Variants in GCDH observed in about 807,000 individuals in gnomAD.
GCDH encodes the protein glutaryl-CoA dehydrogenase, mitochondrial.
Under a neutral mutation model 52.8 loss-of-function variants are expected in GCDH, and 31 were observed. That is an observed-to-expected ratio of 0.59 (90% CI 0.44 to 0.79). The LOEUF (loss-of-function observed/expected upper bound fraction) is 0.79, where lower values mean the gene tolerates loss of function less well. Among genes scored for constraint, GCDH ranks in the 30% least tolerant of loss-of-function variants. The probability of loss-of-function intolerance (pLI) is 0.00; values close to 1 mark genes in which losing one functional copy is unlikely to be tolerated. For synonymous variants in GCDH, 242 were observed against 250.0 expected (o/e 0.97, Z 0.30); for missense variants, 509 against 595.0 (o/e 0.86, Z 1.50).
chr19:12,897,573 G>A (rs951791411), intron 10 of GCDH, 130 bp from the exon 11 acceptor site: 20 of 1,420,264 alleles, frequency 1.4e-5, no homozygotes, highest in Non-Finnish European at 2.0e-5. Context: ...GGGCTGGGCT[G>A]AGGACAGCCC....
At chr19:12,895,956 A>G in intron 6 of GCDH, 36 bp from the exon 7 acceptor site, 1 of 1,613,086 alleles carries the variant, frequency 6.2e-7, no homozygotes. Flanking sequence ...TGTATCAGGG[A>G]CCAGGCAGCC....
intron 4 of GCDH, 70 bp from the exon 5 acceptor site, chr19:12,892,046 T>A: frequency 1.2e-6 from 2 of 1,610,364 alleles, no homozygotes; most frequent in Non-Finnish European, 1.7e-6. Flanking sequence ...TCAAGGCCCC[T>A]CTGTCCTTGG....
At chr19:12,894,990 T>C (rs141077990) in intron 6 of GCDH, 61 of 277,388 alleles carry the variant, frequency 2.2e-4, no homozygotes, top group African/African-American at 1.2e-3. Flanking sequence ...TGGCCACTCA[T>C]GTGATCCTCC....
At chr19:12,897,544 T>C (rs1970714074) in intron 10 of GCDH, 116 bp downstream of exon 10, 27 of 1,430,244 alleles carry the variant, frequency 1.9e-5, no homozygotes, top group Non-Finnish European at 2.7e-5. Flanking sequence ...AACCTTCTGC[T>C]GTCCCTCTTG....
chr19:12,897,824 C>T lies in GCDH; in HGVS notation c.1204C>T (p.Arg402Trp), dbSNP rs121434369. The change falls in exon 11 of 12, where the codon CGG (arginine) becomes TGG (tryptophan). Residue 402 changes from arginine to tryptophan, a missense_variant. By Grantham distance (101) the Arg-to-Trp change is moderately radical. Transcript: ENST00000222214. The part of the protein sequence containing the change: ...NGISDEYHVI[R>W]HAMNLEAVNT... ...GATTTCTGACGAGTATCACGTGATC[C>T]GGCACGCCATGAACCTGGAGGCCGT... 2.3e-4 allele frequency: 375 copies of T among 1,613,810 alleles called. No homozygotes were observed. The highest frequency in any genetic ancestry group is 5.5e-4 in the Admixed American group (33 of 59,972).
intron 11 of GCDH, 34 bp downstream of exon 11, chr19:12,897,897 C>A: frequency 6.3e-7 from 1 of 1,594,152 alleles, no homozygotes; most frequent in Non-Finnish European, 8.6e-7. Context: ...TCACTGAGGC[C>A]TCAGTGTCTG....
In GCDH at chr19:12,897,908, G is replaced by C. The variant is rs758421999; in HGVS notation, c.1243+45G>C. ...GGGCTCACTGAGGCCTCAGTGTCTG[G>C]GGAGGGGGTACAGGGAGGTGGGACG... On this transcript the variant is annotated intron_variant, in intron 11 of 11. Coordinates refer to ENST00000222214, the MANE Select transcript of GCDH (RefSeq NM_000159.4). 3.9e-6 allele frequency: 6 copies of C among 1,558,132 alleles called. No individual in the cohort carries two copies. In the South Asian group the frequency reaches 5.6e-5, roughly 14 times the overall value.
intron 6 of GCDH, chr19:12,894,996 C>T: frequency 3.8e-6 from 1 of 264,310 alleles, no homozygotes; most frequent in Non-Finnish European, 7.1e-6. Context: ...CTCATGTGAT[C>T]CTCCCAGCCA....
At chr19:12,893,678 G>A (rs1222520586) in intron 6 of GCDH, 25 bp downstream of exon 6, 1 of 1,601,014 alleles carries the variant, frequency 6.2e-7, no homozygotes, top group African/African-American at 1.3e-5. Context: ...ATGGGGCCTG[G>A]TGGAAGGAAG....
Position 12,891,289 on chromosome 19 carries a change from C to A in GCDH, c.-16C>A, listed in dbSNP as rs764360000. 5.6e-6 allele frequency: 9 copies of A among 1,599,662 alleles called. No homozygotes were observed. The highest frequency in any genetic ancestry group is 7.6e-6 in the Non-Finnish European group (9 of 1,177,734). On this transcript the variant is annotated 5_prime_UTR_variant, in exon 2 of 12. Coordinates refer to ENST00000222214, the MANE Select transcript of GCDH (RefSeq NM_000159.4). ...CCTGTAGGTCGCCGTCGTTGCTCCGCTCGCTCTGAGAGAGCATGGCCCTGA... is the reference window on the plus strand; with the variant it reads ...CCTGTAGGTCGCCGTCGTTGCTCCGATCGCTCTGAGAGAGCATGGCCCTGA...
intron 3 of GCDH, 67 bp downstream of exon 3, chr19:12,891,589 C>G: frequency 1.2e-6 from 2 of 1,613,594 alleles, no homozygotes; most frequent in Non-Finnish European, 1.7e-6. Flanking sequence ...CGCAGGTGGA[C>G]TCTGTCCCAG....
At position 12,892,181 on chromosome 19, in the gene GCDH, A is replaced by G; in HGVS notation, c.334+3A>G. The G allele has an allele frequency of 6.2e-7, 1 of 1,612,364 alleles. No homozygotes were observed. Among genetic ancestry groups the G allele is most frequent in the South Asian group, 1.1e-5 (1 of 91,054 alleles). ...TGTGCTGGGCCCCACCATCAAAGGTAGGAACAAGTATCTCTCCACACACTG... is the reference window on the plus strand; with the variant it reads ...TGTGCTGGGCCCCACCATCAAAGGTGGGAACAAGTATCTCTCCACACACTG... On this transcript the variant is annotated splice_donor_region_variant and intron_variant, in intron 5 of 11. Transcript: ENST00000222214.
chr19:12,897,173 G>C (rs1194695842), intron 9 of GCDH, 130 bp from the exon 10 acceptor site: 6 of 1,316,028 alleles, frequency 4.6e-6, no homozygotes, highest in Non-Finnish European at 6.4e-6. Context: ...CTGAGTCAAC[G>C]GCAGGGCCAG....
At chr19:12,894,736 A>G (rs1970635175) in intron 6 of GCDH, 1 of 839,392 alleles carries the variant, frequency 1.2e-6, no homozygotes, top group Non-Finnish European at 1.8e-6. Context: ...ATATTAAGAA[A>G]AATAAAGAAG....
intron 6 of GCDH, 97 bp from the exon 7 acceptor site, chr19:12,895,895 C>A: frequency 6.9e-7 from 1 of 1,457,690 alleles, no homozygotes; most frequent in Non-Finnish European, 9.5e-7. Context: ...GCTGGGATGA[C>A]AGGCGTGAGC....
chr19:12,899,176 C>T, intron 11 of GCDH: 1 of 655,832 alleles, frequency 1.5e-6, no homozygotes, highest in Non-Finnish European at 2.7e-6. Flanking sequence ...AGGGGCTGGA[C>T]TTGCTACATT....
At position 12,896,133 on chromosome 19, in the gene GCDH, G is replaced by T. The variant is rs746858566; in HGVS notation, c.635+12G>T. ...GGGACCAAGACCTGGTAAGGGTTCT[G>T]GGTGGTGGGCAGGTGGTGAACAGGG... is the stretch of plus-strand genomic sequence containing the variant. On this transcript the variant is annotated intron_variant, in intron 7 of 11. Coordinates refer to ENST00000222214, the MANE Select transcript of GCDH (RefSeq NM_000159.4). This position sits in a 1 kb window ranked among gnomAD's most constrained non-coding sequence, Gnocchi z 5.5. 1 of 1,614,158 alleles carries T rather than the reference G, an allele frequency of 6.2e-7. No homozygotes were observed. The highest frequency in any genetic ancestry group is 1.1e-5 in the South Asian group (1 of 91,084).
In GCDH at chr19:12,891,344, G is replaced by C. The variant is rs1970549869; in HGVS notation, c.40G>C (p.Gly14Arg). ...RGVSVRLLSR[G>R]PGLHVLRTWV... ...CGTCTCCGTGCGGCTGCTGAGCCGC[G>C]GACCCGGCCTGCACGTCCTTCGCAC... The change falls in exon 2 of 12, where the codon GGA becomes CGA. Residue 14 changes from glycine to arginine, a missense_variant. Coordinates refer to ENST00000222214, the MANE Select transcript of GCDH (RefSeq NM_000159.4). The C allele has an allele frequency of 6.2e-7, 1 of 1,612,664 alleles. No homozygotes were observed. The highest frequency in any genetic ancestry group is 8.5e-7 in the Non-Finnish European group (1 of 1,179,974).
intron 5 of GCDH, among the ~76,000 whole-genome samples, chr19:12,892,884 T>C (rs1357182259): frequency 2.0e-5 from 3 of 149,568 alleles, no homozygotes; most frequent in Admixed American, 6.7e-5. Flanking sequence ...CTTTTCTTTT[T>C]TTTTTTTTTT....
Sources: allele counts gnomAD v4.1 joint callset (sites outside exome capture counted in the v4.1 genomes callset), GRCh38; gene constraint gnomAD v4.1.1; non-coding constraint Gnocchi (gnomAD v3.1); transcripts MANE v1.5; gene names NCBI Gene and HGNC (gene_info 2026-07-23, HGNC 2026-07-21).